ATP2B2: variants seen among roughly 807,000 people sequenced by gnomAD.
ATP2B2 encodes the protein plasma membrane calcium-transporting ATPase 2.
ATP2B2 carries 15 observed loss-of-function variants against 120.0 expected under a neutral mutation model. The ratio of observed to expected loss-of-function variants is 0.12; its 90% CI spans 0.08 to 0.19. ATP2B2 has a LOEUF of 0.19. ATP2B2 is among the 10% of genes least tolerant of loss of function. The pLI, the probability that ATP2B2 is intolerant of heterozygous loss-of-function variation, is 1.00. For synonymous variants in ATP2B2, 694 were observed against 700.3 expected, an observed-to-expected ratio of 0.99 and a Z score of 0.14; for missense variants, 1,045 against 1,719.8, an observed-to-expected ratio of 0.61 and a Z score of 6.94.
At chr3:10,551,434 T>C (rs947085291) in intron 2 of ATP2B2, among the ~76,000 whole-genome samples, 7 of 152,208 alleles carry the variant, frequency 4.6e-5, no homozygotes, top group African/African-American at 1.2e-4. Context: ...CTGTGATCAC[T>C]GTCAGTGCTA....
chr3:10,533,026 G>A (rs1286480740), intron 3 of ATP2B2, among the ~76,000 whole-genome samples: 1 of 152,194 alleles, frequency 6.6e-6, no homozygotes, highest in Non-Finnish European at 1.5e-5. Context: ...CTTGTGCAAC[G>A]TAAGTTGTGT....
chr3:10,358,871 G>A lies in ATP2B2; in HGVS notation c.1956C>T (p.Asp652=). The A allele has an allele frequency of 6.2e-7, 1 of 1,614,138 alleles. No individual in the cohort carries two copies. Among genetic ancestry groups the A allele is most frequent in the East Asian group, 2.2e-5 (1 of 44,880 alleles). The change falls in exon 14 of 23, where the codon GAC becomes GAT. Residue 652 remains aspartate, a synonymous_variant. Transcript: ENST00000360273. The part of the protein sequence containing the change: ...AGEPRVFRPR[D]RDEMVKKVIE... ...TCACCTTCTTTACCATCTCGTCCCGGTCGCGGGGCCGGAAGACACGAGGCT... is the reference window on the plus strand; with the variant it reads ...TCACCTTCTTTACCATCTCGTCCCGATCGCGGGGCCGGAAGACACGAGGCT...
intron 7 of ATP2B2, 82 bp from the exon 8 acceptor site, chr3:10,385,409 G>A (rs1229524013): frequency 8.0e-7 from 1 of 1,250,028 alleles, no homozygotes; most frequent in African/African-American, 1.5e-5. Flanking sequence ...CCAACTTGTG[G>A]GGAGATAACA....
At chr3:10,394,569 T>G (rs2061968892) in intron 5 of ATP2B2, 1 of 459,370 alleles carries the variant, frequency 2.2e-6, no homozygotes, top group Non-Finnish European at 4.6e-6. Context: ...GCGGGCCGAG[T>G]AGCAGACTGG....
At chr3:10,580,469 G>A (rs2068362903) in intron 2 of ATP2B2, among the ~76,000 whole-genome samples, 2 of 152,198 alleles carry the variant, frequency 1.3e-5, no homozygotes, top group Admixed American at 6.5e-5. Context: ...CAGTGATTCT[G>A]TGGATGAGGG....
intron 1 of ATP2B2, among the ~76,000 whole-genome samples, chr3:10,496,752 A>AG (rs2066166572): frequency 1.3e-5 from 2 of 152,126 alleles, no homozygotes; most frequent in South Asian, 4.1e-4. Flanking sequence ...TTAAAGTCTC[A>AG]GGGGGCCCAT....
At chr3:10,426,559 C>T (rs940069175) in intron 2 of ATP2B2, among the ~76,000 whole-genome samples, 2 of 152,148 alleles carry the variant, frequency 1.3e-5, no homozygotes, top group African/African-American at 2.4e-5. Context: ...GGGATGGAGG[C>T]GCCTCCAGCC....
intron 16 of ATP2B2, among the ~76,000 whole-genome samples, chr3:10,348,460 C>G (rs933598527): frequency 2.0e-5 from 3 of 152,238 alleles, no homozygotes; most frequent in African/African-American, 7.2e-5. Context: ...CAGGCCATGA[C>G]GGGGTGCTCG....
At chr3:10,685,235 G>A (rs903884037) in intron 1 of ATP2B2, among the ~76,000 whole-genome samples, 2 of 152,190 alleles carry the variant, frequency 1.3e-5, no homozygotes, top group African/African-American at 2.4e-5. Flanking sequence ...GCAAAAGCAG[G>A]TATCTAACGG....
intron 2 of ATP2B2, among the ~76,000 whole-genome samples, chr3:10,583,106 G>A (rs373990087): frequency 1.7e-4 from 26 of 152,292 alleles, no homozygotes; most frequent in African/African-American, 5.3e-4. Flanking sequence ...TTGTCATCAC[G>A]ACCTCGGTTT....
At chr3:10,391,961 C>T (rs530180977) in intron 5 of ATP2B2, among the ~76,000 whole-genome samples, 15 of 152,278 alleles carry the variant, frequency 9.9e-5, no homozygotes, top group African/African-American at 3.6e-4. Flanking sequence ...CAGTGATCAC[C>T]TGAATGCCTT....
Position 10,594,151 on chromosome 3 carries a change from C to G in ATP2B2, c.-415+25766G>C, listed in dbSNP as rs557552442. 2.0e-5 allele frequency among the ~76,000 whole-genome samples: 3 copies of G among 152,324 alleles called. No homozygotes were observed. In the East Asian group the frequency reaches 5.8e-4, roughly 29 times the overall value. On this transcript the variant is annotated intron_variant, in intron 2 of 21. Transcript: ENST00000646379. Reference sequence around the variant, plus strand: ...AAACTGGTTCAACCATTGTGGAAGACAGTGTGGTGATTCCTCAGGGATCTA... The same window carrying G: ...AAACTGGTTCAACCATTGTGGAAGAGAGTGTGGTGATTCCTCAGGGATCTA...
chr3:10,580,752 T>G (rs781678601), intron 2 of ATP2B2, among the ~76,000 whole-genome samples: 2 of 152,198 alleles, frequency 1.3e-5, no homozygotes. Flanking sequence ...AGAGATCACA[T>G]AGGTTTCTCC....
chr3:10,613,907 T>A (rs1255453258), intron 2 of ATP2B2, among the ~76,000 whole-genome samples: 2 of 152,070 alleles, frequency 1.3e-5, no homozygotes, highest in Non-Finnish European at 2.9e-5. Context: ...CTGTCCTTTG[T>A]CTTCCTGGCT....
chr3:10,370,521 T>C (rs75702980), intron 12 of ATP2B2, among the ~76,000 whole-genome samples: 1 of 152,226 alleles, frequency 6.6e-6, no homozygotes, highest in Non-Finnish European at 1.5e-5. Context: ...CTGACCTACT[T>C]TCCCCGTTGT....
At chr3:10,618,309 T>G (rs1238795108) in intron 2 of ATP2B2, among the ~76,000 whole-genome samples, 1 of 152,096 alleles carries the variant, frequency 6.6e-6, no homozygotes, top group African/African-American at 2.4e-5. Flanking sequence ...GATGAACCTA[T>G]GTAAGAGGTG....
rs2060518880 is a variant in ATP2B2, at chr3:10,349,534, C to T, written c.2404+578G>A. Reference sequence around the variant, plus strand: ...GCTCAGCAAGTGGTGTGCCCTCCCTCTGGAGGGAGGAGCAAGACTTTGGCT... The same window carrying T: ...GCTCAGCAAGTGGTGTGCCCTCCCTTTGGAGGGAGGAGCAAGACTTTGGCT... On this transcript the variant is annotated intron_variant, in intron 16 of 22. Coordinates refer to ENST00000360273, the MANE Select transcript of ATP2B2 (RefSeq NM_001001331.4). Among the ~76,000 whole-genome samples the T allele has an allele frequency of 1.3e-5, 2 of 152,070 alleles. 1 individual carries two copies. The highest frequency in any genetic ancestry group is 4.1e-4 in the South Asian group (2 of 4,828).
chr3:10,688,970 C>G (rs965791261), intron 1 of ATP2B2, among the ~76,000 whole-genome samples: 1 of 152,132 alleles, frequency 6.6e-6, no homozygotes, highest in African/African-American at 2.4e-5. Flanking sequence ...CTGTCATTAC[C>G]TGGTGTGGGG....
chr3:10,616,519 G>A (rs1206677024), intron 2 of ATP2B2, among the ~76,000 whole-genome samples: 1 of 152,192 alleles, frequency 6.6e-6, no homozygotes, highest in African/African-American at 2.4e-5. Flanking sequence ...ATGAATACAG[G>A]CTCAAAGCCA....
Sources: allele counts gnomAD v4.1 joint callset (sites outside exome capture counted in the v4.1 genomes callset), GRCh38; gene constraint gnomAD v4.1.1; transcripts MANE v1.5; gene names NCBI Gene and HGNC (gene_info 2026-07-23, HGNC 2026-07-21).